The following PDE7B variants were observed in gnomAD, a reference collection of about 807,000 sequenced individuals.
The protein encoded by PDE7B is phosphodiesterase 7B, also known as 3',5'-cyclic-AMP phosphodiesterase 7B.
In PDE7B, 29 loss-of-function variants were observed where a neutral mutation model predicts 56.2. That is an observed-to-expected ratio of 0.52 (90% CI 0.38 to 0.70). The LOEUF is 0.70. PDE7B is among the 30% of genes least tolerant of loss of function. The pLI, the probability that PDE7B is intolerant of heterozygous loss-of-function variation, is 0.00. For synonymous variants in PDE7B, 197 were observed against 196.9 expected (o/e 1.00, Z 0.00); for missense variants, 490 against 565.0 (o/e 0.87, Z 1.35).
chr6:136,109,312 A>G (rs1268326318), intron 3 of PDE7B, among the ~76,000 whole-genome samples: 1 of 152,212 alleles, frequency 6.6e-6, no homozygotes, highest in African/African-American at 2.4e-5. Flanking sequence ...GCCTTCCAGC[A>G]TGTCTCAAAA....
At chr6:136,032,065 A>G (rs1001123800) in intron 2 of PDE7B, among the ~76,000 whole-genome samples, 4 of 152,220 alleles carry the variant, frequency 2.6e-5, no homozygotes, top group Non-Finnish European at 5.9e-5. Flanking sequence ...TTGATTCTGC[A>G]CACTACATTT....
chr6:135,881,767 A>G (rs544588883), intron 1 of PDE7B, among the ~76,000 whole-genome samples: 1 of 152,370 alleles, frequency 6.6e-6, no homozygotes, highest in Admixed American at 6.5e-5. Context: ...TCTCTACATT[A>G]CATGGGATTT....
At chr6:136,139,537 A>C (rs2128445705) in intron 3 of PDE7B, among the ~76,000 whole-genome samples, 1 of 152,284 alleles carries the variant, frequency 6.6e-6, no homozygotes, top group South Asian at 2.1e-4. Context: ...TCCTTGAGGA[A>C]TCGCCACACT....
intron 2 of PDE7B, among the ~76,000 whole-genome samples, chr6:136,031,738 C>CAAAAA (rs36015213): frequency 9.1e-6 from 1 of 109,962 alleles, no homozygotes; most frequent in South Asian, 3.2e-4. Context: ...GACTCCGTCT[C>CAAAAA]AAAAAAAAAA....
chr6:136,072,388 C>A (rs966360620), intron 2 of PDE7B, among the ~76,000 whole-genome samples: 2 of 152,112 alleles, frequency 1.3e-5, no homozygotes, highest in Non-Finnish European at 2.9e-5. Flanking sequence ...TGAGTTCTTG[C>A]TGTGTTGCCC....
At chr6:135,877,752 C>CAAAAAAAAAAAA (rs75061563) in intron 1 of PDE7B, among the ~76,000 whole-genome samples, 1 of 89,122 alleles carries the variant, frequency 1.1e-5, no homozygotes. Context: ...CAAAACAAAA[C>CAAAAAAAAAAAA]AAAAAAAAAA....
intron 2 of PDE7B, among the ~76,000 whole-genome samples, chr6:135,961,277 G>GTA (rs1554269789): frequency 1.0e-4 from 14 of 133,426 alleles, no homozygotes; most frequent in African/African-American, 3.3e-4. Context: ...GTGTGTGTGT[G>GTA]TGTATGTGTG....
intron 2 of PDE7B, among the ~76,000 whole-genome samples, chr6:136,097,222 C>G (rs1235049378): frequency 6.6e-6 from 1 of 152,130 alleles, no homozygotes; most frequent in Non-Finnish European, 1.5e-5. Context: ...TCCCCCTAAG[C>G]CCCAGACCCG....
At chr6:135,979,923 A>G (rs534336256) in intron 2 of PDE7B, among the ~76,000 whole-genome samples, 1 of 152,358 alleles carries the variant, frequency 6.6e-6, no homozygotes, top group African/African-American at 2.4e-5. Context: ...CTTTCTTCAC[A>G]GAATTTGAAA....
chr6:135,998,978 T>G (rs1002849174), intron 2 of PDE7B, among the ~76,000 whole-genome samples: 2 of 151,960 alleles, frequency 1.3e-5, no homozygotes, highest in African/African-American at 2.4e-5. Context: ...GGAAAACTAA[T>G]TTTGCTAATA....
At chr6:136,008,296 A>C (rs543705167) in intron 2 of PDE7B, among the ~76,000 whole-genome samples, 2 of 152,220 alleles carry the variant, frequency 1.3e-5, no homozygotes, top group Non-Finnish European at 2.9e-5. Flanking sequence ...ATAAACATAC[A>C]TGTGCATGTG....
At chr6:136,020,892 T>C (rs1046142961) in intron 2 of PDE7B, among the ~76,000 whole-genome samples, 2 of 152,224 alleles carry the variant, frequency 1.3e-5, no homozygotes, top group African/African-American at 2.4e-5. Flanking sequence ...AATAGTATTG[T>C]GCAATAGTAA....
At chr6:136,044,897 C>T (rs778484219) in intron 2 of PDE7B, 2 of 151,520 alleles carry the variant, frequency 1.3e-5, no homozygotes, top group Admixed American at 6.6e-5. Context: ...GATCTCTGCT[C>T]GTTCTCTGCA....
chr6:135,967,787 C>T (rs985048480), intron 2 of PDE7B, among the ~76,000 whole-genome samples: 1 of 152,122 alleles, frequency 6.6e-6, no homozygotes, highest in African/African-American at 2.4e-5. Context: ...AATGAATACT[C>T]GTATAAGGAG....
intron 1 of PDE7B, among the ~76,000 whole-genome samples, chr6:135,858,131 C>G (rs1775072120): frequency 6.6e-6 from 1 of 151,890 alleles, no homozygotes; most frequent in African/African-American, 2.4e-5. Context: ...TTATGTTTTT[C>G]ATTTTATTTA....
At chr6:135,908,608 A>G (rs1245438775) in intron 1 of PDE7B, among the ~76,000 whole-genome samples, 2 of 152,212 alleles carry the variant, frequency 1.3e-5, no homozygotes, top group Non-Finnish European at 2.9e-5. Flanking sequence ...GGATAAGTAC[A>G]TTGTATTATA....
intron 1 of PDE7B, among the ~76,000 whole-genome samples, chr6:135,869,036 T>C (rs929348048): frequency 1.3e-5 from 2 of 152,114 alleles, no homozygotes; most frequent in South Asian, 2.1e-4. Context: ...AAAAAGTAAA[T>C]ATCAGCAATT....
At chr6:135,971,344 C>A (rs1228324194) in intron 2 of PDE7B, among the ~76,000 whole-genome samples, 1 of 152,094 alleles carries the variant, frequency 6.6e-6, no homozygotes, top group African/African-American at 2.4e-5. Context: ...TCTAGCCTTC[C>A]CGAACTGTGA....
At chr6:136,126,055 A>G (rs1401936462) in intron 3 of PDE7B, among the ~76,000 whole-genome samples, 3 of 152,344 alleles carry the variant, frequency 2.0e-5, no homozygotes, top group East Asian at 3.9e-4. Context: ...AATGTTTTCA[A>G]TAAGTAAATA....
Sources: gnomAD v4.1 joint callset for allele counts (sites outside exome capture counted in the v4.1 genomes callset) on GRCh38, gnomAD v4.1.1 for gene constraint, MANE v1.5 for transcripts, NCBI Gene and HGNC (gene_info 2026-07-23, HGNC 2026-07-21) for gene names.